Variants in RIMS1 observed in about 807,000 individuals in gnomAD.
RIMS1 encodes regulating synaptic membrane exocytosis protein 1.
RIMS1 carries 83 observed loss-of-function variants against 214.1 expected under a neutral mutation model. The ratio of observed to expected loss-of-function variants is 0.39; its 90% CI spans 0.32 to 0.47. The LOEUF (loss-of-function observed/expected upper bound fraction) is 0.47. Ranked by LOEUF, RIMS1 falls within the 20% of genes least tolerant of loss-of-function variation. RIMS1 has a pLI of 0.99. For missense variants in RIMS1, 2,050 were observed against 2,161.8 expected (o/e 0.95, Z 1.03); for synonymous variants, 793 against 786.8 (o/e 1.01, Z -0.13).
intron 2 of RIMS1, among the ~76,000 whole-genome samples, chr6:72,077,909 C>A (rs1381475356): frequency 1.3e-5 from 2 of 152,144 alleles, no homozygotes; most frequent in Non-Finnish European, 2.9e-5. Flanking sequence ...CTTTTCTGGG[C>A]TTTCATTAAC....
chr6:72,263,949 CACCAT>C, intron 19 of RIMS1: 1 of 388,446 alleles, frequency 2.6e-6, no homozygotes, highest in Non-Finnish European at 3.5e-6. Flanking sequence ...GCCAAGATCA[CACCAT>C]TGCACTCCAG....
chr6:72,130,487 G>A (rs908467778), intron 4 of RIMS1, among the ~76,000 whole-genome samples: 2 of 152,040 alleles, frequency 1.3e-5, no homozygotes, highest in African/African-American at 4.8e-5. Context: ...GATAGGAACC[G>A]ATTATGAAAG....
At chr6:71,924,630 C>CAAAAAAAAAAAAAAAAAAAAAA (rs1250868988) in intron 1 of RIMS1, among the ~76,000 whole-genome samples, 6 of 76,230 alleles carry the variant, frequency 7.9e-5, no homozygotes, top group African/African-American at 3.3e-4. Flanking sequence ...CCCATCTCTG[C>CAAAAAAAAAAAAAAAAAAAAAA]AAAAAAAAAA....
At chr6:72,105,526 C>T (rs1332599417) in intron 4 of RIMS1, among the ~76,000 whole-genome samples, 3 of 152,020 alleles carry the variant, frequency 2.0e-5, no homozygotes, top group Admixed American at 2.0e-4. Context: ...GTTACATGAA[C>T]TCATTCATTT....
At chr6:72,187,632 T>C (rs1023177705) in intron 6 of RIMS1, among the ~76,000 whole-genome samples, 1 of 152,012 alleles carries the variant, frequency 6.6e-6, no homozygotes, top group Non-Finnish European at 1.5e-5. Context: ...TAGCTGGGAC[T>C]GTAGGTGCGT....
At chr6:72,189,233 T>C (rs28821316) in intron 6 of RIMS1, among the ~76,000 whole-genome samples, 1 of 152,188 alleles carries the variant, frequency 6.6e-6, no homozygotes. Flanking sequence ...GCCTGAGCCC[T>C]GCAAAGTATT....
intron 2 of RIMS1, among the ~76,000 whole-genome samples, chr6:72,062,649 A>G (rs1828167666): frequency 6.6e-6 from 1 of 152,218 alleles, no homozygotes; most frequent in East Asian, 1.9e-4. Flanking sequence ...GCCTTAACAA[A>G]GTACCAAAAA....
intron 2 of RIMS1, among the ~76,000 whole-genome samples, chr6:72,031,184 A>G (rs1341070242): frequency 6.6e-6 from 1 of 152,176 alleles, no homozygotes; most frequent in Non-Finnish European, 1.5e-5. Flanking sequence ...TAGCAATAAG[A>G]ACAAACTATA....
intron 4 of RIMS1, among the ~76,000 whole-genome samples, chr6:72,135,989 G>A (rs1335072246): frequency 6.6e-6 from 1 of 152,102 alleles, no homozygotes; most frequent in Non-Finnish European, 1.5e-5. Context: ...ACAAAGATTT[G>A]CATACACCAA....
intron 4 of RIMS1, among the ~76,000 whole-genome samples, chr6:72,127,529 CCAGGACCTCAGAGACATGCCTTATATAGA>C (rs927063945): frequency 1.3e-5 from 2 of 152,050 alleles, no homozygotes; most frequent in African/African-American, 4.8e-5. Context: ...TCCAATTCTC[CCAGGACCTCAGAGACATGCCTTATATAGA>C]CACTATCAAA....
chr6:71,942,808 T>A (rs576579306), intron 1 of RIMS1, among the ~76,000 whole-genome samples: 2 of 152,198 alleles, frequency 1.3e-5, no homozygotes, highest in South Asian at 4.1e-4. Flanking sequence ...TCTCTGAATA[T>A]ATGTGTTTAT....
At chr6:72,316,932 A>C in intron 28 of RIMS1, 1 of 693,006 alleles carries the variant, frequency 1.4e-6, no homozygotes, top group South Asian at 1.4e-5. Flanking sequence ...GGTGTCCTGC[A>C]GTAGAGTGGA....
intron 2 of RIMS1, among the ~76,000 whole-genome samples, chr6:72,029,331 A>T (rs1466161509): frequency 6.6e-6 from 1 of 152,194 alleles, no homozygotes; most frequent in African/African-American, 2.4e-5. Context: ...TAGTTTCTAC[A>T]TATTATAGTC....
At chr6:72,261,239 A>G (rs1191801924) in intron 19 of RIMS1, 2 of 1,006,172 alleles carry the variant, frequency 2.0e-6, no homozygotes, top group African/African-American at 3.5e-5. Flanking sequence ...TTTTGATAAA[A>G]TCTTTAACAG....
intron 28 of RIMS1, among the ~76,000 whole-genome samples, chr6:72,321,980 A>G (rs2096196763): frequency 6.6e-6 from 1 of 152,160 alleles, no homozygotes; most frequent in Admixed American, 6.6e-5. Context: ...TAAAAAGACT[A>G]AAAACTCCAT....
intron 4 of RIMS1, among the ~76,000 whole-genome samples, chr6:72,169,007 C>A (rs1375306293): frequency 7.2e-5 from 11 of 152,026 alleles, no homozygotes; most frequent in Non-Finnish European, 1.5e-5. Context: ...TTTTGAGAAG[C>A]ATGATCATTT....
rs185241453 is a variant in RIMS1 at position 72,240,459 on chromosome 6, G to A, written c.1958-1855G>A. On this transcript the variant is annotated intron_variant, in intron 9 of 33. Coordinates refer to ENST00000521978, the MANE Select transcript of RIMS1 (RefSeq NM_014989.7). ...TATTGTTTCATAAATGTTTTTTAGTGTATATATATATGTATGTACTCATAT... is the reference window on the plus strand; with the variant it reads ...TATTGTTTCATAAATGTTTTTTAGTATATATATATATGTATGTACTCATAT... Among the ~76,000 whole-genome samples, 335 of 151,048 alleles carry A rather than the reference G, an allele frequency of 2.2e-3. 1 individual carries two copies. The highest frequency in any genetic ancestry group is 7.8e-3 in the African/African-American group (321 of 41,258).
intron 6 of RIMS1, among the ~76,000 whole-genome samples, chr6:72,196,045 C>A (rs1437578773): frequency 6.6e-6 from 1 of 152,080 alleles, no homozygotes; most frequent in African/African-American, 2.4e-5. Context: ...TCTATTGATA[C>A]ATGTGGATCA....
chr6:72,124,316 C>T (rs1184618801), intron 4 of RIMS1, among the ~76,000 whole-genome samples: 1 of 151,904 alleles, frequency 6.6e-6, no homozygotes, highest in Admixed American at 6.6e-5. Context: ...TCTCTTCTGG[C>T]TTGTAGAGTT....
Sources: allele counts gnomAD v4.1 joint callset (sites outside exome capture counted in the v4.1 genomes callset), GRCh38; gene constraint gnomAD v4.1.1; transcripts MANE v1.5; gene names NCBI Gene and HGNC (gene_info 2026-07-23, HGNC 2026-07-21).